Variants in PTPRT observed in about 807,000 individuals in gnomAD.
PTPRT encodes the protein receptor-type tyrosine-protein phosphatase T.
PTPRT carries 56 observed loss-of-function variants against 176.8 expected under a neutral mutation model. The ratio of observed to expected loss-of-function variants is 0.32; its 90% CI spans 0.26 to 0.40. PTPRT has a LOEUF of 0.40. Among genes scored for constraint, PTPRT ranks in the 10% least tolerant of loss-of-function variants. The pLI is 1.00. For synonymous variants in PTPRT, 783 were observed against 739.0 expected (o/e 1.06, Z -0.96); for missense variants, 1,540 against 1,908.2 (o/e 0.81, Z 3.60).
At chr20:42,998,121 T>C (rs557284832) in intron 1 of PTPRT, among the ~76,000 whole-genome samples, 5 of 152,216 alleles carry the variant, frequency 3.3e-5, no homozygotes, top group African/African-American at 4.8e-5. Flanking sequence ...ACCCCCTCTA[T>C]GGAAAAGTAA....
chr20:42,484,688 T>C (rs760033300), intron 7 of PTPRT, among the ~76,000 whole-genome samples: 10 of 152,242 alleles, frequency 6.6e-5, no homozygotes, highest in African/African-American at 9.6e-5. Flanking sequence ...TGTCTTACAC[T>C]GTCTCAACAC....
chr20:43,040,614 C>A (rs1368562621), intron 1 of PTPRT, among the ~76,000 whole-genome samples: 2 of 152,168 alleles, frequency 1.3e-5, no homozygotes, highest in African/African-American at 4.8e-5. Flanking sequence ...TGTCCTTGGT[C>A]CTGAAAGATG....
chr20:42,755,369 G>C (rs1204368438), intron 6 of PTPRT, among the ~76,000 whole-genome samples: 1 of 152,166 alleles, frequency 6.6e-6, no homozygotes, highest in Non-Finnish European at 1.5e-5. Context: ...GGCCTCAAAG[G>C]CTCGATCAGT....
At chr20:42,491,495 G>T (rs1217603426) in intron 7 of PTPRT, among the ~76,000 whole-genome samples, 1 of 152,152 alleles carries the variant, frequency 6.6e-6, no homozygotes, top group African/African-American at 2.4e-5. Flanking sequence ...GATCAAGGGG[G>T]AATACTGTGT....
intron 9 of PTPRT, among the ~76,000 whole-genome samples, chr20:42,446,332 C>T (rs1222309569): frequency 6.6e-6 from 1 of 152,026 alleles, no homozygotes; most frequent in African/African-American, 2.4e-5. Context: ...AAATTATATC[C>T]TTTCTATATT....
At chr20:42,194,948 T>C (rs1568661020) in intron 16 of PTPRT, among the ~76,000 whole-genome samples, 2 of 152,190 alleles carry the variant, frequency 1.3e-5, no homozygotes, top group East Asian at 1.9e-4. Context: ...TAGGTGGAAA[T>C]TGAATAGTGA....
intron 1 of PTPRT, among the ~76,000 whole-genome samples, chr20:43,082,297 C>A (rs902472041): frequency 8.6e-5 from 7 of 81,014 alleles, no homozygotes; most frequent in Admixed American, 4.1e-4. Flanking sequence ...ATTTACTATG[C>A]TTTTTTTATT....
chr20:43,012,542 C>A (rs1985182120), intron 1 of PTPRT, among the ~76,000 whole-genome samples: 1 of 152,202 alleles, frequency 6.6e-6, no homozygotes, highest in South Asian at 2.1e-4. Context: ...GTACTTAATG[C>A]CACTTAAATG....
At chr20:42,336,079 C>T (rs957268155) in intron 11 of PTPRT, among the ~76,000 whole-genome samples, 3 of 152,060 alleles carry the variant, frequency 2.0e-5, no homozygotes, top group Non-Finnish European at 2.9e-5. Context: ...AACTTAAAAT[C>T]TTAGCAAGCT....
At chr20:42,583,022 C>A (rs1179542634) in intron 7 of PTPRT, among the ~76,000 whole-genome samples, 3 of 152,156 alleles carry the variant, frequency 2.0e-5, no homozygotes, top group Non-Finnish European at 4.4e-5. Context: ...CTCTACAGCT[C>A]CAGGGCTCAG....
chr20:42,714,590 AT>A (rs2076195420), intron 6 of PTPRT, among the ~76,000 whole-genome samples: 1 of 152,234 alleles, frequency 6.6e-6, no homozygotes, highest in Admixed American at 6.5e-5. Flanking sequence ...TTAACTTGGT[AT>A]CCTGCCAAAA....
intron 1 of PTPRT, among the ~76,000 whole-genome samples, chr20:43,150,868 T>C (rs1016345854): frequency 1.3e-5 from 2 of 152,172 alleles, no homozygotes; most frequent in East Asian, 3.9e-4. Flanking sequence ...TACCTAGAGA[T>C]GAAGGCAGAT....
intron 7 of PTPRT, among the ~76,000 whole-genome samples, chr20:42,633,781 G>GAAAAAAAAAA (rs757072641): frequency 1.8e-4 from 6 of 32,866 alleles, no homozygotes; most frequent in African/African-American, 8.9e-4. Context: ...GCAAGACTCT[G>GAAAAAAAAAA]AAAATATATA....
At chr20:43,039,130 A>C (rs1427556987) in intron 1 of PTPRT, among the ~76,000 whole-genome samples, 1 of 152,316 alleles carries the variant, frequency 6.6e-6, no homozygotes, top group Non-Finnish European at 1.5e-5. Context: ...TGCCTGGGAA[A>C]CTTTTGAGAT....
At chr20:42,409,137 C>G (rs375812806) in intron 9 of PTPRT, among the ~76,000 whole-genome samples, 2 of 152,054 alleles carry the variant, frequency 1.3e-5, no homozygotes, top group Non-Finnish European at 2.9e-5. Context: ...AATAGTTATA[C>G]CATTGCAATC....
At chr20:42,388,322 A>T (rs532294509) in intron 9 of PTPRT, among the ~76,000 whole-genome samples, 1 of 152,360 alleles carries the variant, frequency 6.6e-6, no homozygotes, top group African/African-American at 2.4e-5. Flanking sequence ...AGAAACTATC[A>T]TCAGAGTGAA....
intron 2 of PTPRT, among the ~76,000 whole-genome samples, chr20:42,838,758 T>C (rs1330153709): frequency 3.9e-5 from 6 of 152,220 alleles, no homozygotes; most frequent in African/African-American, 1.4e-4. Context: ...CAAATTCCAA[T>C]ACAAATTGGT....
intron 1 of PTPRT, among the ~76,000 whole-genome samples, chr20:42,904,595 G>C (rs368630941): frequency 1.3e-5 from 2 of 152,302 alleles, no homozygotes; most frequent in Middle Eastern, 3.4e-3. Context: ...GCAGGGAAGT[G>C]CTGGGAAGAG....
At chr20:43,155,274 T>C (rs141688396) in intron 1 of PTPRT, among the ~76,000 whole-genome samples, 1,779 of 152,264 alleles carry the variant, frequency 0.012, 106 homozygotes, top group Admixed American at 0.098. Flanking sequence ...ACAAAATCAA[T>C]CTAAATGTCC....
Sources: gnomAD v4.1 joint callset for allele counts (sites outside exome capture counted in the v4.1 genomes callset) on GRCh38, gnomAD v4.1.1 for gene constraint, MANE v1.5 for transcripts, NCBI Gene and HGNC (gene_info 2026-07-23, HGNC 2026-07-21) for gene names.